PRPH2: variants seen among roughly 807,000 people sequenced by gnomAD.
The protein encoded by PRPH2 is peripherin 2.
PRPH2 carries 17 observed loss-of-function variants against 31.3 expected under a neutral mutation model. That is an observed-to-expected ratio of 0.54 (90% CI 0.37 to 0.81). PRPH2 has a LOEUF of 0.81. PRPH2 is among the 40% of genes least tolerant of loss of function. PRPH2 has a pLI of 0.00. For missense variants in PRPH2, 430 were observed against 439.7 expected (o/e 0.98, Z 0.20); for synonymous variants, 165 against 184.4 (o/e 0.89, Z 0.85).
At chr6:42,705,937 C>T (rs954866948) in intron 1 of PRPH2, among the ~76,000 whole-genome samples, 7 of 141,188 alleles carry the variant, frequency 5.0e-5, no homozygotes, top group South Asian at 2.3e-4. Flanking sequence ...CCAGCCCGTA[C>T]GATACAGTGA....
intron 1 of PRPH2, among the ~76,000 whole-genome samples, chr6:42,715,391 T>C (rs532778084): frequency 1.3e-5 from 2 of 151,362 alleles, no homozygotes; most frequent in East Asian, 2.0e-4. Context: ...CAGCCAAAAC[T>C]CAGGTGCAGT....
At chr6:42,714,585 C>T (rs1761736347) in intron 1 of PRPH2, among the ~76,000 whole-genome samples, 1 of 152,162 alleles carries the variant, frequency 6.6e-6, no homozygotes, top group South Asian at 2.1e-4. Flanking sequence ...GGTGCAATCT[C>T]AGCTCACTGC....
At position 42,698,322 on chromosome 6, in the gene PRPH2, G is replaced by GCC. The variant is rs762023485; in HGVS notation, c.1013_1014insGG (p.Asp338GlufsTer24). On this transcript the variant is annotated frameshift_variant, in exon 3 of 3. Coordinates refer to ENST00000230381, the MANE Select transcript of PRPH2 (RefSeq NM_000322.5). LOFTEE classifies it high-confidence loss of function. ...AGCCAGCCTCTGGGGCCTGGCCTGCGTCTGCGCCCTCGGCTTCCACCTGGT... is the reference window on the plus strand; with the variant it reads ...AGCCAGCCTCTGGGGCCTGGCCTGCGCCTCTGCGCCCTCGGCTTCCACCTGGT... 9.3e-6 allele frequency: 15 copies of GCC among 1,613,332 alleles called. No individual in the cohort carries two copies. Among genetic ancestry groups the GCC allele is most frequent in the African/African-American group, 5.3e-5 (4 of 74,910 alleles).
At chr6:42,714,539 C>T (rs1243755782) in intron 1 of PRPH2, among the ~76,000 whole-genome samples, 1 of 152,122 alleles carries the variant, frequency 6.6e-6, no homozygotes, top group Non-Finnish European at 1.5e-5. Flanking sequence ...TTGTTTGAGA[C>T]AGGGTCTCAC....
At chr6:42,713,206 C>T (rs1038118280) in intron 1 of PRPH2, among the ~76,000 whole-genome samples, 5 of 148,716 alleles carry the variant, frequency 3.4e-5, no homozygotes, top group African/African-American at 1.3e-4. Context: ...GCCTGGACGA[C>T]AGAGTGAAAC....
chr6:42,699,019 C>G (rs1303925505), intron 2 of PRPH2, among the ~76,000 whole-genome samples: 1 of 151,036 alleles, frequency 6.6e-6, no homozygotes, highest in Non-Finnish European at 1.5e-5. Flanking sequence ...GAGGTCACCT[C>G]CTTTTCTGCA....
intron 1 of PRPH2, among the ~76,000 whole-genome samples, chr6:42,713,268 A>C (rs576180346): frequency 6.6e-6 from 1 of 151,756 alleles, no homozygotes; most frequent in African/African-American, 2.4e-5. Context: ...TTTCACTGAT[A>C]CCTTGCTCTG....
chr6:42,706,891 T>C (rs1800173948), intron 1 of PRPH2, among the ~76,000 whole-genome samples: 1 of 139,508 alleles, frequency 7.2e-6, no homozygotes, highest in Non-Finnish European at 1.6e-5. Context: ...ATTTTTCCTG[T>C]TCTTTTTTTA....
rs370994796 is a variant in PRPH2 at position 42,698,486 on chromosome 6, G to A, written c.850C>T (p.Arg284Cys). Residue 284 changes from arginine to cysteine, a missense_variant, in exon 3 of 3, where the codon CGC becomes TGC. By Grantham distance (180) the Arg-to-Cys change is radical (BLOSUM62 -3). Transcript: ENST00000230381. The stretch of plus-strand genomic sequence containing the variant: ...CCATCCAGCGACGTCTGTAGGTAGC[G>A]CAGCCCAATTGTAATGGTCACCTGG... ...LFEVTITIGL[R>C]YLQTSLDGVS... 2.5e-6 allele frequency: 4 copies of A among 1,614,158 alleles called. No individual in the cohort carries two copies. The highest frequency in any genetic ancestry group is 1.7e-5 in the Admixed American group (1 of 60,024).
At chr6:42,718,989 T>C (rs1446391468) in intron 1 of PRPH2, among the ~76,000 whole-genome samples, 1 of 152,090 alleles carries the variant, frequency 6.6e-6, no homozygotes, top group African/African-American at 2.4e-5. Context: ...AGACAAACTT[T>C]GTGGAAAGTT....
rs1306757055 is a variant in PRPH2 at position 42,704,361 on chromosome 6, C to A, written c.828+4G>T. ...CCTCTACCCCCAGCTGGCCCAGGGC[C>A]TACCTCGAAGAGCCAAATGAGGAGC... On this transcript the variant is annotated splice_donor_region_variant and intron_variant, in intron 2 of 2. Transcript: ENST00000230381. The A allele has an allele frequency of 6.2e-7, 1 of 1,607,500 alleles. No individual in the cohort carries two copies. Among genetic ancestry groups the A allele is most frequent in the East Asian group, 2.2e-5 (1 of 44,500 alleles).
rs1799950775 is a variant in PRPH2, at chr6:42,696,802, T to C, written c.*1493A>G. Reference sequence around the variant, plus strand: ...CCTCAACGAGATTCAGAAATCTAATTAAACTTGGGACCAACGTCTGACAGG... The same window carrying C: ...CCTCAACGAGATTCAGAAATCTAATCAAACTTGGGACCAACGTCTGACAGG... On this transcript the variant is annotated 3_prime_UTR_variant, in exon 3 of 3. Coordinates refer to ENST00000230381, the MANE Select transcript of PRPH2 (RefSeq NM_000322.5). 6.6e-6 allele frequency: 1 copy of C among 151,910 alleles called. No homozygotes were observed. Among genetic ancestry groups the C allele is most frequent in the Non-Finnish European group, 1.5e-5 (1 of 67,990 alleles). The allele number at this position is 151,910 out of a possible 1,614,324, so 9.4% of individuals were successfully genotyped here. A position where few individuals can be genotyped will look rare whatever the true frequency, so the allele number is the denominator to read the frequency against.
intron 1 of PRPH2, among the ~76,000 whole-genome samples, chr6:42,719,180 T>C (rs999908287): frequency 6.6e-5 from 10 of 151,754 alleles, no homozygotes; most frequent in African/African-American, 2.4e-4. Flanking sequence ...TTTTTTTTTT[T>C]TTCTTTGAGA....
At chr6:42,719,332 A>G (rs7752619) in intron 1 of PRPH2, among the ~76,000 whole-genome samples, 89,613 of 151,362 alleles carry the variant, frequency 0.59, 26,541 homozygotes, top group African/African-American at 0.65. Flanking sequence ...ATGCCACCAC[A>G]CCCAGCTAAT....
chr6:42,713,175 A>G (rs1351133290), intron 1 of PRPH2, among the ~76,000 whole-genome samples: 1 of 151,856 alleles, frequency 6.6e-6, no homozygotes, highest in Non-Finnish European at 1.5e-5. Flanking sequence ...CAGTGAGCCG[A>G]CATGGTGCCA....
chr6:42,704,683 T>A, intron 1 of PRPH2, 72 bp from the exon 2 acceptor site: 1 of 1,604,830 alleles, frequency 6.2e-7, no homozygotes, highest in Admixed American at 1.7e-5. Flanking sequence ...TCCCAACCCC[T>A]GCCTCTGGAA....
intron 1 of PRPH2, among the ~76,000 whole-genome samples, chr6:42,709,228 G>A (rs1478104970): frequency 1.3e-5 from 2 of 151,494 alleles, no homozygotes; most frequent in African/African-American, 4.9e-5. Flanking sequence ...TACTGGGGAG[G>A]CTGAGGCAGA....
intron 1 of PRPH2, among the ~76,000 whole-genome samples, chr6:42,705,660 T>G (rs1368241971): frequency 7.2e-6 from 1 of 138,000 alleles, no homozygotes; most frequent in African/African-American, 2.6e-5. Flanking sequence ...GCTTGTCATC[T>G]AAATAAAAAG....
Position 42,714,864 on chromosome 6 carries a change from C to A in PRPH2, c.581+6890G>T, listed in dbSNP as rs772606861. 7.9e-5 allele frequency among the ~76,000 whole-genome samples: 12 copies of A among 152,238 alleles called. No homozygotes were observed. In the East Asian group the frequency reaches 2.3e-3, roughly 29 times the overall value. On this transcript the variant is annotated intron_variant, in intron 1 of 2. Transcript: ENST00000230381. ...TCTCCCCCACTTCCTATTGTGTGAT[C>A]TTAGACATGTCCCTTAACCTCTTGG...
Sources: gnomAD v4.1 joint callset for allele counts (sites outside exome capture counted in the v4.1 genomes callset) on GRCh38, gnomAD v4.1.1 for gene constraint, MANE v1.5 for transcripts, NCBI Gene and HGNC (gene_info 2026-07-23, HGNC 2026-07-21) for gene names.